The following SHISA9 variants were observed in gnomAD, a reference collection of about 807,000 sequenced individuals.
The protein encoded by SHISA9 is shisa family member 9.
SHISA9 carries 13 observed loss-of-function variants against 38.0 expected under a neutral mutation model. The ratio of observed to expected loss-of-function variants is 0.34; its 90% CI spans 0.22 to 0.54. SHISA9 has a LOEUF of 0.54. SHISA9 is among the 20% of genes least tolerant of loss of function. The pLI is 0.91. For synonymous variants in SHISA9, 275 were observed against 242.0 expected (o/e 1.14, Z -1.27); for missense variants, 538 against 575.8 (o/e 0.93, Z 0.67).
At chr16:13,073,802 C>G (rs2073547308) in intron 2 of SHISA9, among the ~76,000 whole-genome samples, 1 of 151,996 alleles carries the variant, frequency 6.6e-6, no homozygotes, top group Non-Finnish European at 1.5e-5. Flanking sequence ...CGGATACAAG[C>G]CAAGGAACGC....
intron 2 of SHISA9, among the ~76,000 whole-genome samples, chr16:13,185,014 A>T (rs528141484): frequency 3.5e-4 from 53 of 152,352 alleles, no homozygotes; most frequent in African/African-American, 1.3e-3. Flanking sequence ...TTCCCAAAAG[A>T]GCTGTAGCAT....
chr16:12,909,859 C>CTTCCTTCCTTCCTTCT (rs1555499660), intron 1 of SHISA9: 1 of 151,278 alleles, frequency 6.6e-6, no homozygotes, highest in African/African-American at 2.4e-5. Context: ...TCCTTCCTTC[C>CTTCCTTCCTTCCTTCT]TTCCTTCCTT....
At chr16:13,504,253 C>T in the SHISA9 span, among the ~76,000 whole-genome samples, 6 of 152,040 alleles carry the variant, frequency 3.9e-5, no homozygotes, top group African/African-American at 4.8e-5. Flanking sequence ...AAGATCAACA[C>T]GTAAGGTTTC....
At chr16:13,448,824 T>A in the SHISA9 span, among the ~76,000 whole-genome samples, 4 of 152,236 alleles carry the variant, frequency 2.6e-5, no homozygotes, top group African/African-American at 9.6e-5. Context: ...TCAATGCCAG[T>A]AAGTGTGTGG....
At chr16:13,372,717 A>G in the SHISA9 span, among the ~76,000 whole-genome samples, 2 of 152,238 alleles carry the variant, frequency 1.3e-5, no homozygotes, top group Admixed American at 6.5e-5. Flanking sequence ...GCAAAGCTCT[A>G]TATGAATTAC....
intron 2 of SHISA9, among the ~76,000 whole-genome samples, chr16:13,026,243 A>AT (rs1293636216): frequency 1.1e-3 from 2 of 1,826 alleles, no homozygotes; most frequent in Non-Finnish European, 1.5e-3. Flanking sequence ...TCCCCTCCCT[A>AT]TCCCCCGGCA....
chr16:13,197,557 ACCT>A (rs2050959056), intron 2 of SHISA9: 1 of 109,298 alleles, frequency 9.1e-6, no homozygotes, highest in Admixed American at 9.1e-5. Context: ...TTGTATCTTA[ACCT>A]TCTTTGAAGA....
At chr16:13,390,451 C>G in the SHISA9 span, among the ~76,000 whole-genome samples, 3 of 152,044 alleles carry the variant, frequency 2.0e-5, no homozygotes, top group African/African-American at 7.2e-5. Flanking sequence ...CTGTCTTTGT[C>G]CCTCTGTGTT....
chr16:13,041,522 A>G (rs370294978), intron 2 of SHISA9, among the ~76,000 whole-genome samples: 2 of 152,092 alleles, frequency 1.3e-5, no homozygotes, highest in African/African-American at 4.8e-5. Flanking sequence ...TTCTATTCCT[A>G]CCAGCCACTC....
the SHISA9 span, among the ~76,000 whole-genome samples, chr16:13,315,191 A>C: frequency 1.3e-5 from 2 of 152,220 alleles, no homozygotes; most frequent in African/African-American, 4.8e-5. Flanking sequence ...CACTTGTAGC[A>C]TAGCACCTGC....
At chr16:13,277,175 C>T in the SHISA9 span, among the ~76,000 whole-genome samples, 2 of 152,062 alleles carry the variant, frequency 1.3e-5, no homozygotes, top group Non-Finnish European at 2.9e-5. Context: ...AAAGGGTGTC[C>T]TTTCCCCACT....
intron 2 of SHISA9, among the ~76,000 whole-genome samples, chr16:13,144,657 G>A (rs1377271646): frequency 3.3e-5 from 5 of 152,304 alleles, no homozygotes; most frequent in East Asian, 3.9e-4. Context: ...CATCTTAAAT[G>A]TCTTTGCTAA....
At chr16:12,970,341 ATACATATATGTG>A (rs1342382742) in intron 2 of SHISA9, among the ~76,000 whole-genome samples, 2 of 87,304 alleles carry the variant, frequency 2.3e-5, no homozygotes, top group Non-Finnish European at 4.4e-5. Context: ...ATATATATAT[ATACATATATGTG>A]TATATATATA....
intron 2 of SHISA9, among the ~76,000 whole-genome samples, chr16:13,187,053 C>A (rs566686467): frequency 6.6e-6 from 1 of 152,182 alleles, no homozygotes; most frequent in East Asian, 1.9e-4. Flanking sequence ...AATACCACTT[C>A]GAGATACTGC....
intron 2 of SHISA9, among the ~76,000 whole-genome samples, chr16:13,181,206 G>A (rs2050773662): frequency 6.9e-6 from 1 of 145,604 alleles, no homozygotes; most frequent in East Asian, 2.0e-4. Context: ...AATTACTATG[G>A]TGGGTAGAGC....
the SHISA9 span, among the ~76,000 whole-genome samples, chr16:13,367,304 T>C: frequency 6.8e-6 from 1 of 147,396 alleles, no homozygotes; most frequent in African/African-American, 2.5e-5. Context: ...TATGTTGGAG[T>C]CTAAATTCAG....
intron 2 of SHISA9, among the ~76,000 whole-genome samples, chr16:13,045,034 G>A (rs915774908): frequency 2.2e-4 from 33 of 152,182 alleles, no homozygotes; most frequent in African/African-American, 7.7e-4. Flanking sequence ...TCATGCCCGT[G>A]ATGTGTGCCT....
the SHISA9 span, among the ~76,000 whole-genome samples, chr16:13,457,358 T>C: frequency 6.6e-6 from 1 of 152,110 alleles, no homozygotes; most frequent in African/African-American, 2.4e-5. Flanking sequence ...TAGGTAATTA[T>C]CAAAACTCAG....
the SHISA9 span, among the ~76,000 whole-genome samples, chr16:13,425,496 C>G: frequency 6.6e-6 from 1 of 151,750 alleles, no homozygotes; most frequent in African/African-American, 2.4e-5. Flanking sequence ...CAAACAAAAA[C>G]AAAAACTAAA....
Sources: allele counts gnomAD v4.1 joint callset (sites outside exome capture counted in the v4.1 genomes callset), GRCh38; gene constraint gnomAD v4.1.1; transcripts MANE v1.5; gene names NCBI Gene and HGNC (gene_info 2026-07-23, HGNC 2026-07-21).